The following GRIN2A variants were observed in gnomAD, a reference collection of about 807,000 sequenced individuals.
GRIN2A encodes glutamate ionotropic receptor NMDA type subunit 2A.
GRIN2A carries 22 observed loss-of-function variants against 113.4 expected under a neutral mutation model. The observed-to-expected ratio is 0.19, with a 90% confidence interval of 0.14 to 0.28. GRIN2A has a LOEUF of 0.28. GRIN2A is among the 10% of genes least tolerant of loss of function. The pLI, the probability that GRIN2A is intolerant of heterozygous loss-of-function variation, is 1.00. For missense variants in GRIN2A, 1,502 were observed against 1,887.0 expected (o/e 0.80, Z 3.78); for synonymous variants, 827 against 738.4 (o/e 1.12, Z -1.94).
intron 2 of GRIN2A, among the ~76,000 whole-genome samples, chr16:10,022,025 C>T (rs1389005356): frequency 1.3e-5 from 2 of 152,118 alleles, no homozygotes; most frequent in Non-Finnish European, 2.9e-5. Flanking sequence ...TACAGAACAC[C>T]TTGCTGTTCC....
intron 9 of GRIN2A, among the ~76,000 whole-genome samples, chr16:9,823,355 C>A (rs1215679438): frequency 6.6e-6 from 1 of 152,166 alleles, no homozygotes; most frequent in Non-Finnish European, 1.5e-5. Context: ...CCCTAGATAA[C>A]ACATTCACTT....
chr16:10,178,936 T>C (rs1263515619), intron 2 of GRIN2A, among the ~76,000 whole-genome samples: 1 of 152,232 alleles, frequency 6.6e-6, no homozygotes, highest in Non-Finnish European at 1.5e-5. Flanking sequence ...TTCCTCGCCT[T>C]CTGAACTCCC....
At chr16:10,135,549 G>C (rs2049174166) in intron 2 of GRIN2A, among the ~76,000 whole-genome samples, 1 of 152,154 alleles carries the variant, frequency 6.6e-6, no homozygotes. Context: ...TGTTACAACA[G>C]AGCCCTATTC....
intron 2 of GRIN2A, among the ~76,000 whole-genome samples, chr16:10,072,442 C>A (rs1245104621): frequency 2.6e-5 from 4 of 152,164 alleles, no homozygotes; most frequent in Non-Finnish European, 5.9e-5. Flanking sequence ...TTTGGAAGTA[C>A]CCAAGGAGCT....
chr16:9,856,234 C>T (rs2042964877), intron 4 of GRIN2A, among the ~76,000 whole-genome samples: 1 of 152,136 alleles, frequency 6.6e-6, no homozygotes. Context: ...AGAATTTAAA[C>T]TTAGTCAGTG....
At chr16:9,946,386 G>A (rs1445109870) in intron 2 of GRIN2A, among the ~76,000 whole-genome samples, 1 of 152,204 alleles carries the variant, frequency 6.6e-6, no homozygotes, top group Non-Finnish European at 1.5e-5. Context: ...TTGGGTCTCT[G>A]AGGAGCTGAT....
At chr16:9,917,102 C>G (rs2044268340) in intron 3 of GRIN2A, among the ~76,000 whole-genome samples, 1 of 152,212 alleles carries the variant, frequency 6.6e-6, no homozygotes, top group East Asian at 1.9e-4. Flanking sequence ...GCTGGAATGA[C>G]TTTTCTCCGG....
intron 2 of GRIN2A, among the ~76,000 whole-genome samples, chr16:10,155,483 T>G (rs181583474): frequency 1.5e-4 from 23 of 152,316 alleles, no homozygotes; most frequent in African/African-American, 5.3e-4. Context: ...TCAAGTTAAA[T>G]AGTGGACATC....
At chr16:10,039,949 C>A (rs889585706) in intron 2 of GRIN2A, among the ~76,000 whole-genome samples, 7 of 116,460 alleles carry the variant, frequency 6.0e-5, no homozygotes, top group Non-Finnish European at 1.1e-4. Flanking sequence ...AACCCACAAA[C>A]AGCACAACCC....
chr16:9,773,344 A>G (rs1901397574), intron 11 of GRIN2A, among the ~76,000 whole-genome samples: 1 of 152,216 alleles, frequency 6.6e-6, no homozygotes, highest in African/African-American at 2.4e-5. Context: ...GGAAATGTGC[A>G]TCCTTTAGGT....
intron 3 of GRIN2A, among the ~76,000 whole-genome samples, chr16:9,897,039 T>C (rs2141501063): frequency 6.6e-6 from 1 of 152,196 alleles, no homozygotes; most frequent in African/African-American, 2.4e-5. Context: ...AGCTTCAATA[T>C]CTCCATCAGG....
chr16:9,781,248 GAGAT>G (rs1319388788), intron 11 of GRIN2A, among the ~76,000 whole-genome samples: 2 of 152,190 alleles, frequency 1.3e-5, no homozygotes, highest in Non-Finnish European at 2.9e-5. Flanking sequence ...TTATATAAAA[GAGAT>G]AGCATGTTGC....
intron 2 of GRIN2A, among the ~76,000 whole-genome samples, chr16:10,106,965 T>C (rs1164790853): frequency 6.6e-6 from 1 of 152,084 alleles, no homozygotes; most frequent in Non-Finnish European, 1.5e-5. Context: ...GACAAATGAA[T>C]CAGACAGAAG....
intron 2 of GRIN2A, among the ~76,000 whole-genome samples, chr16:10,067,240 A>T (rs568944697): frequency 6.6e-6 from 1 of 152,238 alleles, no homozygotes; most frequent in South Asian, 2.1e-4. Flanking sequence ...TCCACAAAAC[A>T]GCAGGAAATA....
intron 10 of GRIN2A, among the ~76,000 whole-genome samples, chr16:9,807,679 C>G (rs1249244833): frequency 6.6e-6 from 1 of 152,130 alleles, no homozygotes; most frequent in African/African-American, 2.4e-5. Context: ...GCCCAGAGAT[C>G]TCCGCCCAAT....
intron 2 of GRIN2A, among the ~76,000 whole-genome samples, chr16:10,053,279 G>T (rs2047390165): frequency 6.6e-6 from 1 of 152,136 alleles, no homozygotes; most frequent in Non-Finnish European, 1.5e-5. Context: ...TGGAAAAGGT[G>T]GTTTGATCTA....
chr16:10,111,992 G>A, intron 2 of GRIN2A: 1 of 661,742 alleles, frequency 1.5e-6, no homozygotes, highest in Admixed American at 2.1e-5. Flanking sequence ...CTTCAGCCTA[G>A]CAAGGGAAGC....
chr16:10,174,412 G>C (rs1193718181), intron 2 of GRIN2A, among the ~76,000 whole-genome samples: 1 of 152,178 alleles, frequency 6.6e-6, no homozygotes, highest in Non-Finnish European at 1.5e-5. Context: ...TCATAAAGTT[G>C]CCTTGAAAAT....
chr16:9,855,150 T>C (rs1377574188), intron 4 of GRIN2A, among the ~76,000 whole-genome samples: 4 of 152,064 alleles, frequency 2.6e-5, no homozygotes, highest in African/African-American at 9.7e-5. Context: ...TTCAGAATCA[T>C]TAATAGCACA....
Sources: allele counts gnomAD v4.1 joint callset (sites outside exome capture counted in the v4.1 genomes callset), GRCh38; gene constraint gnomAD v4.1.1; transcripts MANE v1.5; gene names NCBI Gene and HGNC (gene_info 2026-07-23, HGNC 2026-07-21).